MYLK: variants seen among roughly 807,000 people sequenced by gnomAD.
MYLK encodes the protein myosin light chain kinase, smooth muscle.
Under a neutral mutation model 203.4 loss-of-function variants are expected in MYLK, and 106 were observed. The observed-to-expected ratio is 0.52, with a 90% CI of 0.45 to 0.61. The LOEUF is 0.61. Among genes scored for constraint, MYLK ranks in the 20% least tolerant of loss-of-function variants. MYLK has a pLI of 0.00. For synonymous variants in MYLK, 867 were observed against 959.5 expected (o/e 0.90, Z 1.78); for missense variants, 2,072 against 2,442.3 (o/e 0.85, Z 3.20).
intron 14 of MYLK, 62 bp downstream of exon 14, chr3:123,709,694 A>G: frequency 6.2e-7 from 1 of 1,607,442 alleles, no homozygotes; most frequent in African/African-American, 1.3e-5. Flanking sequence ...TCGGAGAGCA[A>G]TACCCATTGC....
At chr3:123,788,237 T>C (rs77817862) in intron 4 of MYLK, among the ~76,000 whole-genome samples, 2,191 of 151,298 alleles carry the variant, frequency 0.014, 51 homozygotes, top group African/African-American at 0.05. Flanking sequence ...AACTATTTCT[T>C]GAAGAAATTC....
chr3:123,813,186 G>A (rs1462978460), intron 3 of MYLK, among the ~76,000 whole-genome samples: 2 of 152,172 alleles, frequency 1.3e-5, no homozygotes, highest in Non-Finnish European at 2.9e-5. Flanking sequence ...GAAAAGTCAA[G>A]AACTTGCTAA....
intron 16 of MYLK, 102 bp downstream of exon 16, chr3:123,707,652 C>A: frequency 1.3e-6 from 2 of 1,585,182 alleles, no homozygotes; most frequent in Non-Finnish European, 1.7e-6. Flanking sequence ...AGTCCAAGCC[C>A]CACATCAGTT....
intron 2 of MYLK, among the ~76,000 whole-genome samples, chr3:123,858,981 A>C (rs1363607045): frequency 6.6e-6 from 1 of 152,210 alleles, no homozygotes; most frequent in Admixed American, 6.5e-5. Flanking sequence ...TTGAAATTGA[A>C]ACACTAAATT....
At chr3:123,633,512 T>C (rs2058519142) in intron 29 of MYLK, among the ~76,000 whole-genome samples, 1 of 152,236 alleles carries the variant, frequency 6.6e-6, no homozygotes, top group Admixed American at 6.5e-5. Flanking sequence ...CCTGGTCTTA[T>C]CTAGTTTTTA....
chr3:123,809,578 G>A (rs1274717854), intron 3 of MYLK, among the ~76,000 whole-genome samples: 3 of 152,082 alleles, frequency 2.0e-5, no homozygotes, highest in East Asian at 3.9e-4. Flanking sequence ...ATAATCTTAG[G>A]TGCACATCCT....
chr3:123,825,596 C>A (rs2066088586), intron 3 of MYLK, among the ~76,000 whole-genome samples: 1 of 152,224 alleles, frequency 6.6e-6, no homozygotes, highest in African/African-American at 2.4e-5. Flanking sequence ...CTCTCCCATC[C>A]CTTGTGAGCC....
chr3:123,732,069 G>A (rs943136838), intron 11 of MYLK, among the ~76,000 whole-genome samples: 3 of 150,612 alleles, frequency 2.0e-5, no homozygotes, highest in Non-Finnish European at 4.4e-5. Context: ...GTTTCCAGCA[G>A]CCTGCAATTT....
chr3:123,628,228 T>C (rs1428729804), intron 30 of MYLK, among the ~76,000 whole-genome samples: 1 of 152,160 alleles, frequency 6.6e-6, no homozygotes. Flanking sequence ...TAAAAAGGAC[T>C]GAGAGTGGGG....
At chr3:123,731,115 C>A (rs1295282391) in intron 11 of MYLK, among the ~76,000 whole-genome samples, 2 of 152,194 alleles carry the variant, frequency 1.3e-5, no homozygotes, top group Non-Finnish European at 2.9e-5. Context: ...TTTCTGTCCC[C>A]TGCGCAGGGA....
At chr3:123,818,633 T>A (rs1212462479) in intron 3 of MYLK, among the ~76,000 whole-genome samples, 1 of 152,122 alleles carries the variant, frequency 6.6e-6, no homozygotes, top group South Asian at 2.1e-4. Flanking sequence ...GAGGTTGTAG[T>A]GAGCAGAGAT....
chr3:123,846,208 G>A (rs1285228777), intron 2 of MYLK, among the ~76,000 whole-genome samples: 1 of 152,098 alleles, frequency 6.6e-6, no homozygotes, highest in African/African-American at 2.4e-5. Flanking sequence ...TTCCATGTCT[G>A]TTCCTCCCGT....
chr3:123,803,950 C>A (rs148103855), intron 3 of MYLK, among the ~76,000 whole-genome samples: 1 of 152,130 alleles, frequency 6.6e-6, no homozygotes, highest in Non-Finnish European at 1.5e-5. Flanking sequence ...AGGGAAAATC[C>A]CAGGGGAAAA....
At position 123,759,777 on chromosome 3, in the gene MYLK, G is replaced by T. The variant is rs147914778; in HGVS notation, c.166-7239C>A. 1.4e-3 allele frequency among the ~76,000 whole-genome samples: 206 copies of T among 152,298 alleles called. 2 individuals are homozygous for T. The Middle Eastern group carries it at 0.02, about 15-fold the overall frequency. ...AGAAGATGTAAGACTTAGCCTATCT[G>T]CAGCCGTTCTCTCCCAAGCCCCATT... On this transcript the variant is annotated intron_variant, in intron 4 of 33. Transcript: ENST00000360304.
intron 2 of MYLK, among the ~76,000 whole-genome samples, chr3:123,855,628 G>A (rs1489461654): frequency 4.6e-5 from 7 of 151,612 alleles, no homozygotes; most frequent in South Asian, 4.2e-4. Context: ...GATAGAGTGA[G>A]ACCCTGTCCT....
chr3:123,822,275 C>T (rs946276399), intron 3 of MYLK, among the ~76,000 whole-genome samples: 20 of 152,286 alleles, frequency 1.3e-4, no homozygotes, highest in African/African-American at 4.8e-4. Context: ...ACAGATACTG[C>T]CTCTAGTCAA....
intron 3 of MYLK, among the ~76,000 whole-genome samples, chr3:123,807,657 G>T (rs1427217213): frequency 6.6e-6 from 1 of 152,206 alleles, no homozygotes; most frequent in African/African-American, 2.4e-5. Context: ...CTGAGGAAGA[G>T]ACCATGCATA....
At chr3:123,822,663 T>G (rs1368413362) in intron 3 of MYLK, among the ~76,000 whole-genome samples, 2 of 151,894 alleles carry the variant, frequency 1.3e-5, no homozygotes, top group Non-Finnish European at 2.9e-5. Flanking sequence ...TTTCTGAAGT[T>G]AAGAATCTGA....
At chr3:123,800,862 G>T (rs1254987659) in intron 3 of MYLK, among the ~76,000 whole-genome samples, 3 of 152,068 alleles carry the variant, frequency 2.0e-5, no homozygotes, top group African/African-American at 7.3e-5. Flanking sequence ...CTCAGGGTGG[G>T]CCCCATTATG....
Sources: gnomAD v4.1 joint callset for allele counts (sites outside exome capture counted in the v4.1 genomes callset) on GRCh38, gnomAD v4.1.1 for gene constraint, MANE v1.5 for transcripts, NCBI Gene and HGNC (gene_info 2026-07-23, HGNC 2026-07-21) for gene names.